Variants in C7orf78 observed in about 807,000 individuals in gnomAD.
C7orf78 encodes the protein putative uncharacterized protein C7orf78.
chr7:12,500,759 C>G, the C7orf78 span, among the ~76,000 whole-genome samples: 35 of 151,158 alleles, frequency 2.3e-4, no homozygotes, highest in African/African-American at 8.1e-4. Context: ...ATACCAAAGC[C>G]GGGCAGAGAC....
the C7orf78 span, among the ~76,000 whole-genome samples, chr7:12,520,649 G>T: frequency 6.6e-6 from 1 of 152,152 alleles, no homozygotes; most frequent in African/African-American, 2.4e-5. Context: ...CCTAACTTAT[G>T]ATCTATCCTG....
At chr7:12,505,503 T>C in the C7orf78 span, among the ~76,000 whole-genome samples, 2 of 152,154 alleles carry the variant, frequency 1.3e-5, no homozygotes, top group East Asian at 3.8e-4. Context: ...AATGCTTTCA[T>C]TGGAGGCAGC....
the C7orf78 span, among the ~76,000 whole-genome samples, chr7:12,509,465 C>A: frequency 1.3e-5 from 2 of 152,116 alleles, no homozygotes; most frequent in Non-Finnish European, 2.9e-5. Context: ...CTAATTAACC[C>A]ATAAGGGTCA....
chr7:12,527,630 TA>T, the C7orf78 span, among the ~76,000 whole-genome samples: 1 of 134,318 alleles, frequency 7.4e-6, no homozygotes, highest in African/African-American at 3.0e-5. Context: ...TCTAGCTGTG[TA>T]ATTGAAATGG....
At chr7:12,507,304 CAAAA>C in the C7orf78 span, 42 of 75,094 alleles carry the variant, frequency 5.6e-4, no homozygotes, top group South Asian at 1.5e-3. Flanking sequence ...GAGACTCCAC[CAAAA>C]AAAAAAAAAA....
At chr7:12,519,642 A>C in the C7orf78 span, among the ~76,000 whole-genome samples, 1 of 152,226 alleles carries the variant, frequency 6.6e-6, no homozygotes, top group Non-Finnish European at 1.5e-5. Context: ...AAAGCTCATC[A>C]GCTCTGGAAA....
At chr7:12,499,816 C>A in the C7orf78 span, among the ~76,000 whole-genome samples, 20,997 of 148,824 alleles carry the variant, frequency 0.14, 1,576 homozygotes, top group Non-Finnish European at 0.19. Flanking sequence ...CCAAAATTGA[C>A]CACATACTTG....
the C7orf78 span, among the ~76,000 whole-genome samples, chr7:12,519,530 A>T: frequency 1.3e-5 from 2 of 152,184 alleles, no homozygotes; most frequent in Non-Finnish European, 2.9e-5. Context: ...CTGCTATGGC[A>T]CTGTGCACAT....
chr7:12,533,170 T>G, the C7orf78 span, among the ~76,000 whole-genome samples: 1 of 152,148 alleles, frequency 6.6e-6, no homozygotes, highest in Non-Finnish European at 1.5e-5. Context: ...TGGTAGTCCA[T>G]CAGCAAAAGT....
chr7:12,535,854 A>G, the C7orf78 span, among the ~76,000 whole-genome samples: 2 of 152,208 alleles, frequency 1.3e-5, no homozygotes, highest in Non-Finnish European at 2.9e-5. Flanking sequence ...TAAAGCTTCA[A>G]AATGATCTCC....
the C7orf78 span, among the ~76,000 whole-genome samples, chr7:12,503,435 T>A: frequency 1.6e-3 from 241 of 152,056 alleles, 1 homozygote; most frequent in African/African-American, 5.4e-3. Flanking sequence ...TAATTACTGA[T>A]AAAATATTAT....
At chr7:12,488,078 G>C in the C7orf78 span, among the ~76,000 whole-genome samples, 80 of 152,150 alleles carry the variant, frequency 5.3e-4, no homozygotes, top group Middle Eastern at 3.4e-3. Context: ...TGACCATTTA[G>C]AAGAATACAT....
chr7:12,525,697 C>T, the C7orf78 span: 1 of 383,280 alleles, frequency 2.6e-6, no homozygotes, highest in Non-Finnish European at 4.6e-6. Flanking sequence ...TTGAATGCCA[C>T]AACAAAATCA....
At chr7:12,493,988 T>C in the C7orf78 span, among the ~76,000 whole-genome samples, 1 of 152,174 alleles carries the variant, frequency 6.6e-6, no homozygotes, top group Non-Finnish European at 1.5e-5. Flanking sequence ...GCAGTCTACT[T>C]CAGTTTAGAA....
At chr7:12,508,555 G>C in the C7orf78 span, among the ~76,000 whole-genome samples, 2 of 152,094 alleles carry the variant, frequency 1.3e-5, no homozygotes, top group African/African-American at 4.8e-5. Flanking sequence ...AACATGAGTT[G>C]CTCCAATGTA....
the C7orf78 span, chr7:12,529,000 A>G: frequency 1.3e-5 from 5 of 398,514 alleles, no homozygotes; most frequent in Non-Finnish European, 2.2e-5. Context: ...TTCAAAACTA[A>G]TTTTGACGAA....
the C7orf78 span, among the ~76,000 whole-genome samples, chr7:12,495,641 A>C: frequency 6.6e-6 from 1 of 152,230 alleles, no homozygotes; most frequent in African/African-American, 2.4e-5. Flanking sequence ...CCAAGTAAAG[A>C]AAGTCTCTTG....
At chr7:12,493,404 T>C in the C7orf78 span, among the ~76,000 whole-genome samples, 1 of 152,208 alleles carries the variant, frequency 6.6e-6, no homozygotes, top group Non-Finnish European at 1.5e-5. Flanking sequence ...CTGACTATAC[T>C]CTGAGGGAGA....
At chr7:12,539,978 A>C in the C7orf78 span, among the ~76,000 whole-genome samples, 1 of 152,198 alleles carries the variant, frequency 6.6e-6, no homozygotes, top group East Asian at 1.9e-4. Flanking sequence ...CTCAGATAAA[A>C]CAAATGTAAG....
Sources: gnomAD v4.1 joint callset for allele counts (sites outside exome capture counted in the v4.1 genomes callset) on GRCh38, gnomAD v4.1.1 for gene constraint, MANE v1.5 for transcripts, NCBI Gene and HGNC (gene_info 2026-07-23, HGNC 2026-07-21) for gene names.